GABRA6: variants seen among roughly 807,000 people sequenced by gnomAD.
GABRA6 encodes gamma-aminobutyric acid type A receptor subunit alpha6, also known as gamma-aminobutyric acid receptor subunit alpha-6.
GABRA6 carries 45 observed loss-of-function variants against 47.3 expected under a neutral mutation model. That is an observed-to-expected ratio of 0.95 (90% CI 0.75 to 1.22). GABRA6 has a LOEUF of 1.22. Among genes scored for constraint, GABRA6 ranks in the 50% most tolerant of loss-of-function variants. The pLI is 0.00. For missense variants in GABRA6, 583 were observed against 549.3 expected (o/e 1.06, Z -0.61); for synonymous variants, 219 against 194.7 (o/e 1.12, Z -1.04).
Position 161,701,883 on chromosome 5 carries a change from A to C in GABRA6, c.*110A>C. On this transcript the variant is annotated 3_prime_UTR_variant, in exon 9 of 9. Coordinates refer to ENST00000274545, the MANE Select transcript of GABRA6 (RefSeq NM_000811.3). ...AGATGCTTCTCAGAACATGAAATCA[A>C]ATTGGAAATCTGTAACGCAGCTTCC... The C allele has an allele frequency of 1.7e-6, 2 of 1,208,160 alleles. No individual in the cohort carries two copies. The highest frequency in any genetic ancestry group is 2.4e-6 in the Non-Finnish European group (2 of 827,550). 74.8% of individuals were successfully genotyped at this position (1,208,160 alleles called of 1,614,324 possible).
At chr5:161,698,057 CCT>C (rs1023143394) in intron 8 of GABRA6, among the ~76,000 whole-genome samples, 1 of 152,108 alleles carries the variant, frequency 6.6e-6, no homozygotes, top group African/African-American at 2.4e-5. Context: ...TTTTCATCCC[CCT>C]CTTTGCCTAC....
chr5:161,686,392 T>G, intron 2 of GABRA6, 44 bp downstream of exon 2: 1 of 1,443,994 alleles, frequency 6.9e-7, no homozygotes, highest in Non-Finnish European at 9.8e-7. Flanking sequence ...GTAGTTTCCT[T>G]CCTCCGTTTC....
chr5:161,690,268 A>G lies in GABRA6; in HGVS notation c.741A>G (p.Ile247Met), dbSNP rs769978419. 1.9e-6 allele frequency: 3 copies of G among 1,613,416 alleles called. No individual in the cohort carries two copies. In the African/African-American group the frequency reaches 4.0e-5, roughly 22 times the overall value. The part of the protein sequence containing the change: ...QRKMGYFMIQ[I>M]YTPCIMTVIL... ...AGATGGGCTACTTCATGATACAGAT[A>G]TACACTCCTTGCATTATGACAGTCA... Residue 247 changes from isoleucine to methionine, a missense_variant, in exon 7 of 9, where the codon ATA becomes ATG. Coordinates refer to ENST00000274545, the MANE Select transcript of GABRA6 (RefSeq NM_000811.3).
chr5:161,686,289 G>A lies in GABRA6; in HGVS notation c.98G>A (p.Ser33Asn). 1 of 1,614,098 alleles carries A rather than the reference G, an allele frequency of 6.2e-7. No individual in the cohort carries two copies. The highest frequency in any genetic ancestry group is 8.5e-7 in the Non-Finnish European group (1 of 1,179,956). ...GGCAACTTCTACTCAGAAAACGTCA[G>A]TCGGATCCTGGACAACTTGCTTGAA... ...VEGNFYSENV[S>N]RILDNLLEGY... The change falls in exon 2 of 9, where the codon AGT (serine) becomes AAT (asparagine). Residue 33 changes from serine to asparagine, a missense_variant. Ser to Asn is a conservative substitution (Grantham distance 46). Coordinates refer to ENST00000274545, the MANE Select transcript of GABRA6 (RefSeq NM_000811.3).
chr5:161,692,007 C>A lies in GABRA6; in HGVS notation c.893C>A (p.Ser298Ter). The change falls in exon 8 of 9, where the codon TCA (serine) becomes TAA (stop). Residue 298 changes from serine (S) to a stop codon, truncating the protein, a stop_gained. Coordinates refer to ENST00000274545, the MANE Select transcript of GABRA6 (RefSeq NM_000811.3). LOFTEE classifies it high-confidence loss of function. The stretch of plus-strand genomic sequence containing the variant: ...GCCCGGCACTCTTTGCCAAAAGTGT[C>A]ATATGCCACTGCCATGGATTGGTTC... The part of the protein sequence containing the change: ...ISARHSLPKV[S>*]YATAMDWFIA... 6.2e-7 allele frequency: 1 copy of A among 1,614,124 alleles called. No individual in the cohort carries two copies. Among genetic ancestry groups the A allele is most frequent in the Non-Finnish European group, 8.5e-7 (1 of 1,179,980 alleles).
intron 8 of GABRA6, among the ~76,000 whole-genome samples, chr5:161,700,640 C>A (rs1313780516): frequency 6.6e-6 from 1 of 152,198 alleles, no homozygotes; most frequent in Non-Finnish European, 1.5e-5. Context: ...TGGACCCTAG[C>A]CTCACTTGCC....
In GABRA6 at chr5:161,686,443, G is replaced by A. The variant is rs954211455; in HGVS notation, c.157+95G>A. ...CAGAAGAGTCAGAAACTAGGTAGTG[G>A]GAAGGGGCAGGGTACGGGAGAGAGA... On this transcript the variant is annotated intron_variant, in intron 2 of 8. Transcript: ENST00000274545. 2.8e-5 allele frequency: 26 copies of A among 919,432 alleles called. No individual in the cohort carries two copies. The African/African-American group carries it at 4.1e-4, about 14-fold the overall frequency. 57.0% of individuals were successfully genotyped at this position (919,432 alleles called of 1,614,324 possible).
At position 161,690,286 on chromosome 5, in the gene GABRA6, G is replaced by A; in HGVS notation, c.759G>A (p.Met253Ile). 2.5e-6 allele frequency: 4 copies of A among 1,613,792 alleles called. No individual in the cohort carries two copies. In the South Asian group the frequency reaches 3.3e-5, roughly 13 times the overall value. Residue 253 changes from methionine to isoleucine, a missense_variant, in exon 7 of 9, where the codon ATG becomes ATA. Physicochemically the swap from Met to Ile is conservative, Grantham distance 10 (BLOSUM62 1). Coordinates refer to ENST00000274545, the MANE Select transcript of GABRA6 (RefSeq NM_000811.3). Reference sequence around the variant, plus strand: ...TACAGATATACACTCCTTGCATTATGACAGTCATTCTTTCCCAGGTGTCTT... The same window carrying A: ...TACAGATATACACTCCTTGCATTATAACAGTCATTCTTTCCCAGGTGTCTT... ...FMIQIYTPCI[M>I]TVILSQVSFW...
intron 1 of GABRA6, 61 bp downstream of exon 1, chr5:161,686,088 T>C (rs999163444): frequency 5.1e-5 from 77 of 1,512,646 alleles, no homozygotes; most frequent in Non-Finnish European, 6.8e-5. Context: ...AAAGTATACA[T>C]CCATTGGGTG....
chr5:161,699,036 T>C (rs1474881384), intron 8 of GABRA6, among the ~76,000 whole-genome samples: 1 of 152,210 alleles, frequency 6.6e-6, no homozygotes, highest in East Asian at 1.9e-4. Flanking sequence ...GATTCACAAA[T>C]GACTGCCCCC....
chr5:161,699,088 A>C (rs879692882), intron 8 of GABRA6, among the ~76,000 whole-genome samples: 1 of 152,266 alleles, frequency 6.6e-6, no homozygotes, highest in East Asian at 1.9e-4. Flanking sequence ...AAGGCTTTAC[A>C]TTTTTATGGT....
chr5:161,693,305 T>C (rs1287457772), intron 8 of GABRA6, among the ~76,000 whole-genome samples: 1 of 152,132 alleles, frequency 6.6e-6, no homozygotes, highest in Non-Finnish European at 1.5e-5. Flanking sequence ...AGAATTTATA[T>C]TTTCTCCAAG....
In GABRA6 at chr5:161,701,948, C is replaced by T; in HGVS notation, c.*175C>T. The stretch of plus-strand genomic sequence containing the variant: ...GCAAAAAAGCAATAATCCTACTCCT[C>T]AAAATAGAAAGTTGAAGATTGCTGA... On this transcript the variant is annotated 3_prime_UTR_variant, in exon 9 of 9. Transcript: ENST00000274545. 4.6e-6 allele frequency: 3 copies of T among 656,108 alleles called. No individual in the cohort carries two copies. The highest frequency in any genetic ancestry group is 7.8e-6 in the Non-Finnish European group (3 of 386,796). The allele number at this position is 656,108 out of a possible 1,614,324, so 40.6% of individuals were successfully genotyped here. A position where few individuals can be genotyped will look rare whatever the true frequency, so the allele number is the denominator to read the frequency against.
chr5:161,697,556 T>A (rs1754905467), intron 8 of GABRA6, among the ~76,000 whole-genome samples: 1 of 152,158 alleles, frequency 6.6e-6, no homozygotes, highest in South Asian at 2.1e-4. Flanking sequence ...TGATTTCCTA[T>A]GGGGAGCTAT....
rs1202087461 is a variant in GABRA6, at chr5:161,689,348, C to G, written c.529+12C>G. The stretch of plus-strand genomic sequence containing the variant: ...CAAGTTTGGGAGCTGTAAGTTACAA[C>G]AGGCTTCTGAGAGTCAAATAATACA... On this transcript the variant is annotated intron_variant, in intron 5 of 8. Transcript: ENST00000274545. 1.9e-6 allele frequency: 3 copies of G among 1,610,060 alleles called. No homozygotes were observed. The South Asian group carries it at 3.3e-5, about 18-fold the overall frequency.
At chr5:161,691,141 ATAT>A (rs1754780305) in intron 7 of GABRA6, among the ~76,000 whole-genome samples, 1 of 152,008 alleles carries the variant, frequency 6.6e-6, no homozygotes, top group African/African-American at 2.4e-5. Flanking sequence ...TAATGAGTAA[ATAT>A]TATACCTTAA....
intron 8 of GABRA6, 93 bp from the exon 9 acceptor site, chr5:161,701,405 T>C: frequency 7.2e-7 from 1 of 1,384,764 alleles, no homozygotes; most frequent in South Asian, 1.2e-5. Context: ...AAGTCGTCAA[T>C]AAATATTTGT....
intron 6 of GABRA6, 166 bp from the exon 7 acceptor site, chr5:161,690,035 C>A: frequency 1.4e-6 from 1 of 710,980 alleles, no homozygotes; most frequent in Non-Finnish European, 2.4e-6. Context: ...TGTGTCTCTT[C>A]GCTCTATCAT....
rs1317373536 is a variant in GABRA6, at chr5:161,692,042, T to C, written c.928T>C (p.Cys310Arg). 6.2e-7 allele frequency: 1 copy of C among 1,614,206 alleles called. No homozygotes were observed. The highest frequency in any genetic ancestry group is 1.1e-5 in the South Asian group (1 of 91,086). ...TGCCATGGATTGGTTCATAGCTGTT[T>C]GCTTTGCATTCGTCTTCTCTGCGCT... Reference protein sequence around the residue: ...ATAMDWFIAVCFAFVFSALIE... With the variant: ...ATAMDWFIAVRFAFVFSALIE... The change falls in exon 8 of 9, where the codon TGC becomes CGC. Residue 310 changes from cysteine (C) to arginine (R), a missense_variant. Physicochemically the swap from Cys to Arg is radical, Grantham distance 180. Coordinates refer to ENST00000274545, the MANE Select transcript of GABRA6 (RefSeq NM_000811.3).
Sources: gnomAD v4.1 joint callset for allele counts (sites outside exome capture counted in the v4.1 genomes callset) on GRCh38, gnomAD v4.1.1 for gene constraint, MANE v1.5 for transcripts, NCBI Gene and HGNC (gene_info 2026-07-23, HGNC 2026-07-21) for gene names.